The following KDM2A variants were observed in gnomAD, a reference collection of about 807,000 sequenced individuals.
KDM2A encodes the protein lysine demethylase 2A, also known as lysine-specific demethylase 2A.
Under a neutral mutation model 137.3 loss-of-function variants are expected in KDM2A, and 3 were observed. The observed-to-expected ratio is 0.02, with a 90% CI of 0.01 to 0.06. The LOEUF (loss-of-function observed/expected upper bound fraction) is 0.06, where lower values mean the gene tolerates loss of function less well. Among genes scored for constraint, KDM2A ranks in the 10% least tolerant of loss-of-function variants. KDM2A has a pLI of 1.00. For missense variants in KDM2A, 738 were observed against 1,510.6 expected (o/e 0.49, Z 8.48); for synonymous variants, 512 against 541.5 (o/e 0.95, Z 0.76).
At chr11:67,203,801 T>C (rs1209333400) in intron 5 of KDM2A, among the ~76,000 whole-genome samples, 2 of 151,536 alleles carry the variant, frequency 1.3e-5, no homozygotes, top group Non-Finnish European at 2.9e-5. Flanking sequence ...TTTTTTTTTT[T>C]TTTCTTTTTT....
chr11:67,234,440 T>TC (rs1171434461), intron 12 of KDM2A, among the ~76,000 whole-genome samples: 4 of 152,242 alleles, frequency 2.6e-5, no homozygotes, highest in African/African-American at 4.8e-5. Context: ...GATGAGATAT[T>TC]CATAATATTC....
intron 2 of KDM2A, among the ~76,000 whole-genome samples, chr11:67,171,014 G>T (rs1476892775): frequency 6.6e-6 from 1 of 152,096 alleles, no homozygotes; most frequent in Non-Finnish European, 1.5e-5. Flanking sequence ...GGTAAAGAGG[G>T]TATTAATATC....
chr11:67,229,141 A>C (rs1299082344), intron 11 of KDM2A, among the ~76,000 whole-genome samples: 1 of 152,218 alleles, frequency 6.6e-6, no homozygotes, highest in Non-Finnish European at 1.5e-5. Flanking sequence ...TACATTTATG[A>C]AATTCTTATT....
At position 67,207,779 on chromosome 11, in the gene KDM2A, C is replaced by T. The variant is rs1857853139; in HGVS notation, c.486+91C>T. On this transcript the variant is annotated intron_variant, in intron 6 of 20. Transcript: ENST00000529006. ...GTAACTGATGCTTGTTATCCCAGCA[C>T]TTTGGGAGGCCAAGGGAGGCAGATC... 8.5e-6 allele frequency: 9 copies of T among 1,064,254 alleles called. No individual in the cohort carries two copies. In the Admixed American group the frequency reaches 2.0e-4, roughly 23 times the overall value. The allele number at this position is 1,064,254 out of a possible 1,614,324, so 65.9% of individuals were successfully genotyped here. A position where few individuals can be genotyped will look rare whatever the true frequency, so the allele number is the denominator to read the frequency against.
At chr11:67,144,551 C>A (rs1257355823) in intron 2 of KDM2A, among the ~76,000 whole-genome samples, 1 of 144,436 alleles carries the variant, frequency 6.9e-6, no homozygotes, top group African/African-American at 2.6e-5. Flanking sequence ...CGTGCCCGGC[C>A]CCAACATTTT....
chr11:67,225,518 C>T (rs2136414722), intron 10 of KDM2A, among the ~76,000 whole-genome samples: 1 of 151,976 alleles, frequency 6.6e-6, no homozygotes, highest in South Asian at 2.1e-4. Context: ...CGCCTGTAAT[C>T]CCAGCACTTT....
At chr11:67,132,598 A>G (rs1396692342) in intron 2 of KDM2A, among the ~76,000 whole-genome samples, 2 of 152,082 alleles carry the variant, frequency 1.3e-5, no homozygotes, top group Non-Finnish European at 2.9e-5. Flanking sequence ...GTTTGTTTTT[A>G]ATATAACAGT....
At chr11:67,124,908 A>G (rs1173044065) in intron 2 of KDM2A, among the ~76,000 whole-genome samples, 1 of 147,888 alleles carries the variant, frequency 6.8e-6, no homozygotes, top group African/African-American at 2.5e-5. Context: ...CCCAGGCTGG[A>G]GTGCAGTGGC....
intron 2 of KDM2A, among the ~76,000 whole-genome samples, chr11:67,135,471 C>T (rs1447256012): frequency 6.6e-6 from 1 of 152,142 alleles, no homozygotes; most frequent in Non-Finnish European, 1.5e-5. Context: ...TAGCTGAAGA[C>T]CGCATGATCA....
chr11:67,179,626 G>C (rs1368400306), intron 2 of KDM2A, among the ~76,000 whole-genome samples: 1 of 152,146 alleles, frequency 6.6e-6, no homozygotes, highest in Non-Finnish European at 1.5e-5. Flanking sequence ...TCTGAGACAA[G>C]GGTTTTTGAT....
rs372925935 is a variant in KDM2A at position 67,250,737 on chromosome 11, C to A, written c.2707C>A (p.Arg903Ser). ...GCGGGAGGTCTGGATGTCTGTCTTCCGCTACCTCAGCCGCAGAGAACTTTG... is the reference window on the plus strand; with the variant it reads ...GCGGGAGGTCTGGATGTCTGTCTTCAGCTACCTCAGCCGCAGAGAACTTTG... ...MQREVWMSVF[R>S]YLSRRELCEC... The change falls in exon 17 of 21, where the codon CGC becomes AGC. Residue 903 changes from arginine to serine, a missense_variant. By Grantham distance (110) the Arg-to-Ser change is moderately radical. Transcript: ENST00000529006. This position sits in a 1 kb window ranked among gnomAD's most constrained non-coding sequence, Gnocchi z 7.1. The A allele has an allele frequency of 3.9e-6, 6 of 1,556,020 alleles. No individual in the cohort carries two copies. The highest frequency in any genetic ancestry group is 8.7e-7 in the Non-Finnish European group (1 of 1,150,172).
intron 12 of KDM2A, chr11:67,240,028 C>T (rs554340628): frequency 1.5e-6 from 2 of 1,297,880 alleles, no homozygotes; most frequent in Non-Finnish European, 2.0e-6. Context: ...TCGCTCGGCT[C>T]CCCCTCCTGC....
chr11:67,131,109 G>A (rs1855844822), intron 2 of KDM2A, among the ~76,000 whole-genome samples: 1 of 152,084 alleles, frequency 6.6e-6, no homozygotes, highest in East Asian at 1.9e-4. Flanking sequence ...CAGATTGCCT[G>A]AGGTCAGGAG....
intron 12 of KDM2A, among the ~76,000 whole-genome samples, chr11:67,235,705 T>C (rs940919550): frequency 4.1e-4 from 62 of 152,090 alleles, no homozygotes; most frequent in African/African-American, 1.3e-3. Context: ...CACTGCAGCC[T>C]CCACCTCCTG....
chr11:67,184,645 G>A (rs1857163916), intron 5 of KDM2A, among the ~76,000 whole-genome samples: 1 of 152,048 alleles, frequency 6.6e-6, no homozygotes, highest in African/African-American at 2.4e-5. Flanking sequence ...TGAGTGGAGG[G>A]TGGCTATTGC....
Position 67,119,556 on chromosome 11 carries a change from G to A in KDM2A, c.-577G>A, listed in dbSNP as rs1214382082. 1 of 151,260 alleles carries A rather than the reference G, an allele frequency of 6.6e-6. No homozygotes were observed. The highest frequency in any genetic ancestry group is 1.5e-5 in the Non-Finnish European group (1 of 67,716). The allele number at this position is 151,260 out of a possible 1,614,324, so 9.4% of individuals were successfully genotyped here. On this transcript the variant is annotated 5_prime_UTR_variant, in exon 1 of 21. Transcript: ENST00000529006. Reference sequence around the variant, plus strand: ...GAGGGGGAGACGCGAGGGGAGCCAGGGCCCCCATCCCGGCGCGCCGCGCCG... The same window carrying A: ...GAGGGGGAGACGCGAGGGGAGCCAGAGCCCCCATCCCGGCGCGCCGCGCCG...
intron 10 of KDM2A, among the ~76,000 whole-genome samples, chr11:67,221,609 AAG>A (rs1230587583): frequency 1.4e-4 from 22 of 152,338 alleles, no homozygotes; most frequent in African/African-American, 4.6e-4. Context: ...TAGTAGAATT[AAG>A]AGAGGAAGCC....
rs1446670928 is a variant in KDM2A, at chr11:67,257,666, T to G, written c.*2611T>G. On this transcript the variant is annotated 3_prime_UTR_variant, in exon 21 of 21. Coordinates refer to ENST00000529006, the MANE Select transcript of KDM2A (RefSeq NM_012308.3). ...TAAATAAAACTCCTAAAGTCACTTA[T>G]GTTTAAAGGGTTTGGTTGTGTTTTT... 6.6e-6 allele frequency: 1 copy of G among 152,266 alleles called. No individual in the cohort carries two copies. Among genetic ancestry groups the G allele is most frequent in the South Asian group, 2.1e-4 (1 of 4,830 alleles). The allele number at this position is 152,266 out of a possible 1,614,324, so 9.4% of individuals were successfully genotyped here. A position where few individuals can be genotyped will look rare whatever the true frequency, so the allele number is the denominator to read the frequency against.
intron 2 of KDM2A, among the ~76,000 whole-genome samples, chr11:67,148,045 C>T (rs1374359898): frequency 1.3e-5 from 2 of 151,972 alleles, no homozygotes; most frequent in African/African-American, 4.8e-5. Context: ...CAGCTAAGTA[C>T]ATACATATTG....
Sources: allele counts gnomAD v4.1 joint callset (sites outside exome capture counted in the v4.1 genomes callset), GRCh38; gene constraint gnomAD v4.1.1; non-coding constraint Gnocchi (gnomAD v3.1); transcripts MANE v1.5; gene names NCBI Gene and HGNC (gene_info 2026-07-23, HGNC 2026-07-21).